Variants in ARL9 observed in about 807,000 individuals in gnomAD.
ARL9 encodes ARF like GTPase 9, also known as ADP-ribosylation factor-like protein 9.
In ARL9, 14 loss-of-function variants were observed where a neutral mutation model predicts 27.0. The ratio of observed to expected loss-of-function variants is 0.52; its 90% CI spans 0.34 to 0.81. The LOEUF (loss-of-function observed/expected upper bound fraction) is 0.81. ARL9 is among the 30% of genes least tolerant of loss of function. The probability of loss-of-function intolerance (pLI) is 0.01; values close to 1 mark genes in which losing one functional copy is unlikely to be tolerated. For missense variants in ARL9, 294 were observed against 290.0 expected, an observed-to-expected ratio of 1.01 and a Z score of -0.10; for synonymous variants, 106 against 108.7, an observed-to-expected ratio of 0.98 and a Z score of 0.15.
At chr4:56,522,218 C>T (rs917764993) in intron 3 of ARL9, among the ~76,000 whole-genome samples, 4 of 152,134 alleles carry the variant, frequency 2.6e-5, no homozygotes, top group Admixed American at 6.5e-5. Context: ...GTCAGGAGTT[C>T]GAGACCAGCC....
intron 3 of ARL9, among the ~76,000 whole-genome samples, chr4:56,522,138 G>A (rs796084397): frequency 9.9e-5 from 15 of 151,820 alleles, no homozygotes; most frequent in African/African-American, 2.9e-4. Flanking sequence ...TGATAGGTTC[G>A]GGACATGCAC....
upstream of ARL9, chr4:56,505,784 G>C: frequency 7.4e-7 from 1 of 1,347,844 alleles, no homozygotes; most frequent in Non-Finnish European, 9.5e-7. Context: ...CGTGCACCTC[G>C]GGAGCCACAC....
intron 1 of ARL9, 57 bp downstream of exon 1, chr4:56,506,198 C>T (rs1175027166): frequency 2.4e-6 from 3 of 1,231,772 alleles, no homozygotes; most frequent in Middle Eastern, 3.1e-4. Context: ...GCCGTTCAGA[C>T]CCCAGCGCTG....
chr4:56,520,984 G>T (rs1039752829), intron 3 of ARL9, among the ~76,000 whole-genome samples: 2 of 152,132 alleles, frequency 1.3e-5, no homozygotes, highest in African/African-American at 4.8e-5. Context: ...GGCCGAGGTG[G>T]TTGGATCAGG....
rs1003234988 is a variant in ARL9 at position 56,506,030 on chromosome 4, G to C, written c.168G>C (p.Lys56Asn). The stretch of plus-strand genomic sequence containing the variant: ...GAAAGGGAAAAGAGAAAGAGGAAAA[G>C]AGGACAAAGCAAGGGAAGGAGACAA... ...ERRKGKEKEEKRTKQGKETNK... is the reference protein window; with the variant it reads ...ERRKGKEKEENRTKQGKETNK... Residue 56 changes from lysine to asparagine, a missense_variant, in exon 1 of 4, where the codon AAG (lysine) becomes AAC (asparagine). Coordinates refer to ENST00000640821, the MANE Select transcript of ARL9 (RefSeq NM_001363794.2). The C allele has an allele frequency of 3.3e-6, 4 of 1,210,908 alleles. No individual in the cohort carries two copies. In the African/African-American group the frequency reaches 6.0e-5, roughly 18 times the overall value. The allele number at this position is 1,210,908 out of a possible 1,614,324, so 75.0% of individuals were successfully genotyped here. A position where few individuals can be genotyped will look rare whatever the true frequency, so the allele number is the denominator to read the frequency against.
upstream of ARL9, chr4:56,505,290 T>A (rs1721417393): frequency 2.4e-6 from 1 of 416,800 alleles, no homozygotes; most frequent in South Asian, 1.7e-5. Context: ...CGGAGTTTAC[T>A]CGGGAGAGGG....
At chr4:56,521,239 AG>A (rs1721907981) in intron 3 of ARL9, among the ~76,000 whole-genome samples, 1 of 150,808 alleles carries the variant, frequency 6.6e-6, no homozygotes, top group Non-Finnish European at 1.5e-5. Flanking sequence ...AAAAAGAGAG[AG>A]GCTGATGCTT....
chr4:56,524,261 T>G lies in ARL9; in HGVS notation c.*385T>G, dbSNP rs1722015969. 1 of 160,216 alleles carries G rather than the reference T, an allele frequency of 6.2e-6. No individual in the cohort carries two copies. Among genetic ancestry groups the G allele is most frequent in the Non-Finnish European group, 1.4e-5 (1 of 73,288 alleles). The allele number at this position is 160,216 out of a possible 1,614,324, so 9.9% of individuals were successfully genotyped here. ...AAATATGCCATTTTCCATCAGGAGC[T>G]TGAGCATCCACATTTGCCTGTGAGG... is the stretch of plus-strand genomic sequence containing the variant. On this transcript the variant is annotated 3_prime_UTR_variant, in exon 4 of 4. Coordinates refer to ENST00000640821, the MANE Select transcript of ARL9 (RefSeq NM_001363794.2).
chr4:56,511,193 CA>C lies in ARL9; in HGVS notation c.290del (p.Lys97SerfsTer4), dbSNP rs1721625781. 6.3e-7 allele frequency: 1 copy of C among 1,579,564 alleles called. No homozygotes were observed. Among genetic ancestry groups the C allele is most frequent in the Non-Finnish European group, 8.6e-7 (1 of 1,164,138 alleles). On this transcript the variant is annotated frameshift_variant, in exon 2 of 4. Coordinates refer to ENST00000640821, the MANE Select transcript of ARL9 (RefSeq NM_001363794.2). LOFTEE classifies it high-confidence loss of function. Reference protein sequence around the residue: ...RTPLEPLEKNKQILVLGLDGA... With the variant: ...RTPLEPLEKNXQILVLGLDGA... ...ATCTTTTTGTTTCACAGGAGAAAAA[CA>C]AGCAAATCCTAGTGCTGGGCCTGGA...
chr4:56,523,631 T>G, intron 3 of ARL9, 66 bp from the exon 4 acceptor site: 1 of 1,314,552 alleles, frequency 7.6e-7, no homozygotes, highest in Middle Eastern at 1.9e-4. Flanking sequence ...GAGTAATAAA[T>G]GTGTTTATCT....
Position 56,518,616 on chromosome 4 carries a change from C to T in ARL9, c.443-62C>T, listed in dbSNP as rs111421284. On this transcript the variant is annotated intron_variant, in intron 2 of 3. Coordinates refer to ENST00000640821, the MANE Select transcript of ARL9 (RefSeq NM_001363794.2). ...AAATCTAGATGTGCCCTCCCTGCTCCCTGGGTGGGTGCTTCTGTGATTTTG... is the reference window on the plus strand; with the variant it reads ...AAATCTAGATGTGCCCTCCCTGCTCTCTGGGTGGGTGCTTCTGTGATTTTG... 3,877 of 1,468,448 alleles carry T rather than the reference C, an allele frequency of 2.6e-3. 96 individuals are homozygous for T. The African/African-American group carries it at 0.047, about 18-fold the overall frequency. The allele number at this position is 1,468,448 out of a possible 1,614,324, so 91.0% of individuals were successfully genotyped here. A position where few individuals can be genotyped will look rare whatever the true frequency, so the allele number is the denominator to read the frequency against.
rs749116994 is a variant in ARL9 at position 56,511,208 on chromosome 4, G to T, written c.303G>T (p.Val101=). Residue 101 remains valine, a synonymous_variant, in exon 2 of 4, where the codon GTG becomes GTT. Coordinates refer to ENST00000640821, the MANE Select transcript of ARL9 (RefSeq NM_001363794.2). ...AGGAGAAAAACAAGCAAATCCTAGTGCTGGGCCTGGATGGAGCAGGAAAAA... is the reference window on the plus strand; with the variant it reads ...AGGAGAAAAACAAGCAAATCCTAGTTCTGGGCCTGGATGGAGCAGGAAAAA... ...EPLEKNKQIL[V]LGLDGAGKTS... is the part of the protein sequence containing the mutation. 3.6e-5 allele frequency: 58 copies of T among 1,602,730 alleles called. 1 individual carries two copies. The African/African-American group carries it at 7.6e-4, about 21-fold the overall frequency.
chr4:56,518,083 A>G (rs1721813810), intron 2 of ARL9, among the ~76,000 whole-genome samples: 1 of 151,780 alleles, frequency 6.6e-6, no homozygotes. Flanking sequence ...AGCCCTGTTC[A>G]CACCACTGCA....
Position 56,523,856 on chromosome 4 carries a change from C to G in ARL9, c.778C>G (p.Leu260Val), listed in dbSNP as rs1722003533. The change falls in exon 4 of 4, where the codon CTG (leucine) becomes GTG (valine). Residue 260 changes from leucine to valine, a missense_variant. Coordinates refer to ENST00000640821, the MANE Select transcript of ARL9 (RefSeq NM_001363794.2). ...MQDAKDLIAQ[L>V]AADVQ ...AGATGCCAAAGACTTGATTGCACAG[C>G]TGGCTGCAGATGTGCAGTGACCAGG... 1.2e-6 allele frequency: 2 copies of G among 1,613,592 alleles called. No homozygotes were observed. Among genetic ancestry groups the G allele is most frequent in the Admixed American group, 1.7e-5 (1 of 59,992 alleles).
intron 3 of ARL9, among the ~76,000 whole-genome samples, chr4:56,521,217 C>CAAAAAAA (rs57537197): frequency 1.1e-5 from 1 of 94,874 alleles, no homozygotes; most frequent in East Asian, 2.7e-4. Flanking sequence ...CCCCAAAAAA[C>CAAAAAAA]AAAAAAAAAA....
chr4:56,513,221 G>A (rs1721686858), intron 2 of ARL9, among the ~76,000 whole-genome samples: 1 of 152,210 alleles, frequency 6.6e-6, no homozygotes, highest in Non-Finnish European at 1.5e-5. Context: ...TTAGGATGCA[G>A]CATCCAGTGG....
chr4:56,509,821 C>T (rs1461667116), intron 1 of ARL9, among the ~76,000 whole-genome samples: 2 of 151,168 alleles, frequency 1.3e-5, no homozygotes, highest in Admixed American at 1.3e-4. Flanking sequence ...AATTCTCCTG[C>T]CTCAGCCTCC....
At position 56,511,176 on chromosome 4, in the gene ARL9, G is replaced by A; in HGVS notation, c.280-9G>A. Reference sequence around the variant, plus strand: ...CATGGGCTTATTGATTTATCTTTTTGTTTCACAGGAGAAAAACAAGCAAAT... The same window carrying A: ...CATGGGCTTATTGATTTATCTTTTTATTTCACAGGAGAAAAACAAGCAAAT... On this transcript the variant is annotated splice_polypyrimidine_tract_variant and intron_variant, in intron 1 of 3. Transcript: ENST00000640821. The A allele has an allele frequency of 6.4e-7, 1 of 1,550,432 alleles. No homozygotes were observed. The highest frequency in any genetic ancestry group is 1.2e-5 in the South Asian group (1 of 83,484).
chr4:56,506,789 TGTG>T (rs1560694830), intron 1 of ARL9: 3,865 of 153,234 alleles, frequency 0.025, 383 homozygotes, highest in African/African-American at 0.061. Flanking sequence ...AACACAGTTG[TGTG>T]TGTGTGTGTG....
Sources: gnomAD v4.1 joint callset for allele counts (sites outside exome capture counted in the v4.1 genomes callset) on GRCh38, gnomAD v4.1.1 for gene constraint, MANE v1.5 for transcripts, NCBI Gene and HGNC (gene_info 2026-07-23, HGNC 2026-07-21) for gene names.